Variants in RPS6KC1 observed in about 807,000 individuals in gnomAD.
The protein encoded by RPS6KC1 is ribosomal protein S6 kinase C1.
In RPS6KC1, 54 loss-of-function variants were observed where a neutral mutation model predicts 103.8. The ratio of observed to expected loss-of-function variants is 0.52; its 90% CI spans 0.42 to 0.65. RPS6KC1 has a LOEUF of 0.65. Ranked by LOEUF, RPS6KC1 falls within the 30% of genes least tolerant of loss-of-function variation. The probability of loss-of-function intolerance (pLI) is 0.00; values close to 1 mark genes in which losing one functional copy is unlikely to be tolerated. For missense variants in RPS6KC1, 1,151 were observed against 1,253.8 expected (o/e 0.92, Z 1.24); for synonymous variants, 439 against 438.7 (o/e 1.00, Z -0.01).
At chr1:213,344,535 T>C in the RPS6KC1 span, among the ~76,000 whole-genome samples, 2 of 152,146 alleles carry the variant, frequency 1.3e-5, no homozygotes, top group African/African-American at 4.8e-5. Flanking sequence ...TACCTACTTA[T>C]TGTGCTTTTT....
chr1:213,051,636 G>T (rs1053739626), intron 1 of RPS6KC1, 127 bp downstream of exon 1: 1 of 661,274 alleles, frequency 1.5e-6, no homozygotes, highest in Admixed American at 2.6e-5. Flanking sequence ...TGCTCCTACT[G>T]GCGGGACTTG....
At chr1:213,400,285 A>G in the RPS6KC1 span, among the ~76,000 whole-genome samples, 2 of 152,170 alleles carry the variant, frequency 1.3e-5, no homozygotes, top group Non-Finnish European at 2.9e-5. Context: ...AACCACATTT[A>G]TTGAGCTCGA....
the RPS6KC1 span, among the ~76,000 whole-genome samples, chr1:213,428,503 TTCCTTCCTTCCTTC>T: frequency 1.3e-4 from 9 of 70,880 alleles, no homozygotes; most frequent in African/African-American, 4.3e-4. Flanking sequence ...CCTTCCTTCC[TTCCTTCCTTCCTTC>T]CTCTTTCTCT....
chr1:213,213,904 A>G (rs1236248915), intron 8 of RPS6KC1, among the ~76,000 whole-genome samples: 1 of 152,244 alleles, frequency 6.6e-6, no homozygotes, highest in Non-Finnish European at 1.5e-5. Context: ...GGCAGTTCCA[A>G]GATGGCCGAA....
intron 6 of RPS6KC1, among the ~76,000 whole-genome samples, chr1:213,134,264 C>CA (rs1221045942): frequency 3.3e-5 from 5 of 151,978 alleles, no homozygotes; most frequent in Admixed American, 6.6e-5. Context: ...GTTGATGCCA[C>CA]ACTTAAAAAA....
chr1:213,406,020 G>A, the RPS6KC1 span, among the ~76,000 whole-genome samples: 1 of 152,234 alleles, frequency 6.6e-6, no homozygotes, highest in African/African-American at 2.4e-5. Flanking sequence ...TGAGACCACA[G>A]GGTGAGTCCC....
intron 5 of RPS6KC1, among the ~76,000 whole-genome samples, chr1:213,121,748 A>G (rs1438708267): frequency 6.6e-6 from 1 of 152,132 alleles, no homozygotes; most frequent in South Asian, 2.1e-4. Flanking sequence ...CCTCTTCCTA[A>G]TACATCACTT....
chr1:213,328,504 C>CTATTTATATATA, the RPS6KC1 span, among the ~76,000 whole-genome samples: 1 of 101,446 alleles, frequency 9.9e-6, no homozygotes, highest in African/African-American at 3.2e-5. Context: ...AGCCATTATA[C>CTATTTATATATA]TATATATATA....
In RPS6KC1 at chr1:213,233,641, A is replaced by G. The variant is rs1368039549; in HGVS notation, c.1225+1386A>G. Among the ~76,000 whole-genome samples the G allele has an allele frequency of 2.0e-5, 3 of 151,894 alleles. No individual in the cohort carries two copies. The East Asian group carries it at 5.8e-4, about 29-fold the overall frequency. Reference sequence around the variant, plus strand: ...TCCATATCATTTTTCATTTTTTTCTACCATCTTCTCACCATCCCATATACC... The same window carrying G: ...TCCATATCATTTTTCATTTTTTTCTGCCATCTTCTCACCATCCCATATACC... On this transcript the variant is annotated intron_variant, in intron 10 of 14. Coordinates refer to ENST00000366960, the MANE Select transcript of RPS6KC1 (RefSeq NM_012424.6).
At chr1:213,584,512 G>T in the RPS6KC1 span, among the ~76,000 whole-genome samples, 1 of 152,210 alleles carries the variant, frequency 6.6e-6, no homozygotes, top group Non-Finnish European at 1.5e-5. Context: ...ATTATCTATG[G>T]ATGCTCTGGT....
chr1:213,411,926 G>T, the RPS6KC1 span, among the ~76,000 whole-genome samples: 2 of 152,164 alleles, frequency 1.3e-5, no homozygotes, highest in African/African-American at 4.8e-5. Flanking sequence ...ACAGCAAGAG[G>T]CTTGGTGAGT....
At chr1:213,773,926 A>G in the RPS6KC1 span, among the ~76,000 whole-genome samples, 5 of 152,054 alleles carry the variant, frequency 3.3e-5, no homozygotes, top group African/African-American at 1.2e-4. Flanking sequence ...CAAAGAAACT[A>G]ACCATCACAG....
the RPS6KC1 span, among the ~76,000 whole-genome samples, chr1:213,489,814 A>G: frequency 6.6e-6 from 1 of 152,218 alleles, no homozygotes; most frequent in African/African-American, 2.4e-5. Context: ...AATATGTTCA[A>G]TGGAAAAAGC....
the RPS6KC1 span, among the ~76,000 whole-genome samples, chr1:213,802,245 A>C: frequency 6.6e-6 from 1 of 152,212 alleles, no homozygotes; most frequent in Non-Finnish European, 1.5e-5. Flanking sequence ...GGGTCAAGGA[A>C]ACACACTCAA....
chr1:213,483,435 C>G, the RPS6KC1 span, among the ~76,000 whole-genome samples: 1 of 152,156 alleles, frequency 6.6e-6, no homozygotes, highest in African/African-American at 2.4e-5. Flanking sequence ...GACATCCCCC[C>G]CAAAGTTTTG....
intron 6 of RPS6KC1, among the ~76,000 whole-genome samples, chr1:213,164,867 T>C (rs1394167069): frequency 1.3e-5 from 2 of 152,164 alleles, no homozygotes; most frequent in African/African-American, 4.8e-5. Flanking sequence ...CAGCCTAGTT[T>C]TTCTTTTTTG....
the RPS6KC1 span, among the ~76,000 whole-genome samples, chr1:213,320,050 TAGA>T: frequency 6.6e-6 from 1 of 152,196 alleles, no homozygotes; most frequent in Admixed American, 6.5e-5. Context: ...GCCTATGTGG[TAGA>T]AGAAGAGGGT....
chr1:213,608,506 G>A, the RPS6KC1 span, among the ~76,000 whole-genome samples: 6 of 152,196 alleles, frequency 3.9e-5, no homozygotes, highest in Non-Finnish European at 8.8e-5. Context: ...CTGGAGGGTC[G>A]TGTGGGGATG....
At chr1:213,437,202 A>G in the RPS6KC1 span, among the ~76,000 whole-genome samples, 2 of 152,216 alleles carry the variant, frequency 1.3e-5, no homozygotes, top group South Asian at 4.1e-4. Flanking sequence ...TGCAAAGAAT[A>G]TTTTTAAAAA....
Sources: allele counts gnomAD v4.1 joint callset (sites outside exome capture counted in the v4.1 genomes callset), GRCh38; gene constraint gnomAD v4.1.1; transcripts MANE v1.5; gene names NCBI Gene and HGNC (gene_info 2026-07-23, HGNC 2026-07-21).